Variants in WWOX observed in about 807,000 individuals in gnomAD.
WWOX encodes WW domain-containing oxidoreductase.
Under a neutral mutation model 46.2 loss-of-function variants are expected in WWOX, and 69 were observed. The observed-to-expected ratio is 1.49, with a 90% CI of 1.23 to 1.82. The LOEUF is 1.82. WWOX is among the 40% of genes most tolerant of loss of function. WWOX has a pLI of 0.00. For synonymous variants in WWOX, 359 were observed against 202.6 expected, an observed-to-expected ratio of 1.77 and a Z score of -6.56; for missense variants, 919 against 542.6, an observed-to-expected ratio of 1.69 and a Z score of -6.89.
At chr16:78,390,046 C>A (rs931458945) in intron 6 of WWOX, among the ~76,000 whole-genome samples, 1 of 152,142 alleles carries the variant, frequency 6.6e-6, no homozygotes, top group Non-Finnish European at 1.5e-5. Context: ...CCTGCCCGAC[C>A]CTTTCATTTT....
At chr16:78,593,724 G>C (rs2045406148) in intron 8 of WWOX, among the ~76,000 whole-genome samples, 1 of 73,868 alleles carries the variant, frequency 1.4e-5, no homozygotes, top group Non-Finnish European at 2.6e-5. Context: ...GCCTGTTGTA[G>C]TTAAAAAAAA....
At chr16:78,521,445 A>G (rs1303285590) in intron 8 of WWOX, among the ~76,000 whole-genome samples, 1 of 152,166 alleles carries the variant, frequency 6.6e-6, no homozygotes, top group Non-Finnish European at 1.5e-5. Flanking sequence ...GAAGGCAGAG[A>G]GAGCTCAAAG....
At chr16:78,767,942 C>G (rs1408458121) in intron 8 of WWOX, among the ~76,000 whole-genome samples, 2 of 152,008 alleles carry the variant, frequency 1.3e-5, no homozygotes, top group Admixed American at 6.6e-5. Flanking sequence ...CTTCCAGCAC[C>G]ACGAGTTTGG....
At chr16:78,445,928 T>A (rs182982450) in intron 8 of WWOX, among the ~76,000 whole-genome samples, 1 of 152,236 alleles carries the variant, frequency 6.6e-6, no homozygotes, top group Admixed American at 6.5e-5. Flanking sequence ...ACAGCTTTAC[T>A]TACGTTTTTG....
chr16:78,973,521 C>G (rs895788538), intron 8 of WWOX, among the ~76,000 whole-genome samples: 1 of 152,148 alleles, frequency 6.6e-6, no homozygotes, highest in East Asian at 1.9e-4. Context: ...AATACGAAGC[C>G]TCCCTTTATT....
intron 8 of WWOX, among the ~76,000 whole-genome samples, chr16:78,665,922 T>G (rs531955161): frequency 6.6e-6 from 1 of 152,014 alleles, no homozygotes; most frequent in African/African-American, 2.4e-5. Flanking sequence ...TGACTTCAAG[T>G]GATCTGCCCA....
At chr16:78,745,388 C>T (rs12923544) in intron 8 of WWOX, among the ~76,000 whole-genome samples, 1 of 152,142 alleles carries the variant, frequency 6.6e-6, no homozygotes, top group Non-Finnish European at 1.5e-5. Flanking sequence ...GCATATTTTT[C>T]ATTCTTCTTG....
intron 8 of WWOX, among the ~76,000 whole-genome samples, chr16:78,653,428 A>G (rs1388153632): frequency 6.6e-6 from 1 of 152,224 alleles, no homozygotes; most frequent in Non-Finnish European, 1.5e-5. Flanking sequence ...GATTAGTCTA[A>G]GCCCATAATG....
At chr16:78,236,117 A>G (rs1274171759) in intron 5 of WWOX, among the ~76,000 whole-genome samples, 1 of 152,234 alleles carries the variant, frequency 6.6e-6, no homozygotes, top group Non-Finnish European at 1.5e-5. Context: ...ATAGGTTGCC[A>G]GCCTCTGACT....
chr16:79,190,228 T>C (rs577482371), intron 8 of WWOX, among the ~76,000 whole-genome samples: 124 of 152,262 alleles, frequency 8.1e-4, no homozygotes, highest in South Asian at 1.9e-3. Flanking sequence ...TTTCACCGTG[T>C]TGGCCAGGCT....
intron 8 of WWOX, among the ~76,000 whole-genome samples, chr16:79,053,101 TGA>T (rs199800880): frequency 0.063 from 9,607 of 152,140 alleles, 422 homozygotes; most frequent in African/African-American, 0.11. Context: ...TGAAATCTTT[TGA>T]TCATGTTCTT....
chr16:78,894,020 T>TTTATTATTATTATTATTATTATTATTA (rs6145911), intron 8 of WWOX, among the ~76,000 whole-genome samples: 11 of 140,078 alleles, frequency 7.9e-5, no homozygotes, highest in African/African-American at 1.0e-4. Flanking sequence ...TATTGAGGCT[T>TTTATTATTATTATTATTATTATTATTA]TTATTATTAT....
At chr16:78,500,976 C>CT in intron 8 of WWOX, among the ~76,000 whole-genome samples, 1 of 152,246 alleles carries the variant, frequency 6.6e-6, no homozygotes, top group Non-Finnish European at 1.5e-5. Flanking sequence ...TTTAGCTTGA[C>CT]TTAAAACCCA....
chr16:78,810,513 C>G (rs1315606468), intron 8 of WWOX, among the ~76,000 whole-genome samples: 2 of 152,196 alleles, frequency 1.3e-5, no homozygotes, highest in African/African-American at 2.4e-5. Context: ...TTCTTGGATC[C>G]ATATTTGCTG....
intron 8 of WWOX, among the ~76,000 whole-genome samples, chr16:78,941,804 T>A (rs1258803091): frequency 6.6e-6 from 1 of 152,224 alleles, no homozygotes; most frequent in Non-Finnish European, 1.5e-5. Context: ...AAGTACTTCA[T>A]GTAAGTCAAG....
chr16:78,407,808 A>G (rs13335170), intron 6 of WWOX, among the ~76,000 whole-genome samples: 8,457 of 152,274 alleles, frequency 0.056, 759 homozygotes, highest in African/African-American at 0.19. Context: ...CAGATACCTA[A>G]AAAAGTTTTA....
At chr16:78,964,114 A>G (rs763422610) in intron 8 of WWOX, among the ~76,000 whole-genome samples, 9 of 152,136 alleles carry the variant, frequency 5.9e-5, no homozygotes, top group Non-Finnish European at 1.2e-4. Context: ...GTGAAAATGG[A>G]CTAATACAGT....
chr16:78,662,597 G>A (rs917176028), intron 8 of WWOX, among the ~76,000 whole-genome samples: 1 of 152,050 alleles, frequency 6.6e-6, no homozygotes, highest in Non-Finnish European at 1.5e-5. Flanking sequence ...GGCAGTCGTG[G>A]GCTTGATTTT....
At chr16:78,404,040 G>C (rs183669045) in intron 6 of WWOX, among the ~76,000 whole-genome samples, 1 of 152,168 alleles carries the variant, frequency 6.6e-6, no homozygotes, top group Non-Finnish European at 1.5e-5. Flanking sequence ...GAAGTCTTTT[G>C]CAAAGGGCGA....
Sources: allele counts gnomAD v4.1 joint callset (sites outside exome capture counted in the v4.1 genomes callset), GRCh38; gene constraint gnomAD v4.1.1; transcripts MANE v1.5; gene names NCBI Gene and HGNC (gene_info 2026-07-23, HGNC 2026-07-21).